The following CCDC192 variants were observed in gnomAD, a reference collection of about 807,000 sequenced individuals.
The protein encoded by CCDC192 is coiled-coil domain containing 192.
At chr5:127,861,269 A>G (rs1309159195) in intron 5 of CCDC192, among the ~76,000 whole-genome samples, 2 of 151,488 alleles carry the variant, frequency 1.3e-5, no homozygotes, top group Non-Finnish European at 2.9e-5. Flanking sequence ...CGGCCTCCCA[A>G]AGTGCTGGGA....
chr5:127,911,114 C>T (rs902386812), intron 6 of CCDC192, among the ~76,000 whole-genome samples: 2 of 152,206 alleles, frequency 1.3e-5, no homozygotes, highest in African/African-American at 4.8e-5. Context: ...TTATCAAATC[C>T]TGCAATGGAA....
chr5:127,730,441 G>T (rs1465645104), intron 2 of CCDC192, among the ~76,000 whole-genome samples: 1 of 151,944 alleles, frequency 6.6e-6, no homozygotes, highest in Non-Finnish European at 1.5e-5. Flanking sequence ...TCTACCAGAG[G>T]TACAAAAAGG....
intron 6 of CCDC192, among the ~76,000 whole-genome samples, chr5:127,896,232 A>C (rs976039976): frequency 3.9e-5 from 6 of 152,112 alleles, no homozygotes; most frequent in African/African-American, 7.2e-5. Flanking sequence ...TGAGGCCATG[A>C]GTTAGAGACC....
chr5:127,778,885 T>C (rs1756023919), intron 3 of CCDC192, among the ~76,000 whole-genome samples: 1 of 152,174 alleles, frequency 6.6e-6, no homozygotes, highest in Non-Finnish European at 1.5e-5. Context: ...TTCATCTAAA[T>C]TATCTAGTTT....
At chr5:127,835,447 T>C (rs1398327940) in intron 5 of CCDC192, among the ~76,000 whole-genome samples, 2 of 152,234 alleles carry the variant, frequency 1.3e-5, no homozygotes, top group Non-Finnish European at 2.9e-5. Flanking sequence ...GCATGCTGGA[T>C]GTCTCTTTTG....
At chr5:127,712,988 A>G (rs1751424729) in intron 2 of CCDC192, among the ~76,000 whole-genome samples, 1 of 152,154 alleles carries the variant, frequency 6.6e-6, no homozygotes, top group South Asian at 2.1e-4. Flanking sequence ...TAATCCCAGC[A>G]CTTTGGGAGG....
intron 5 of CCDC192, among the ~76,000 whole-genome samples, chr5:127,825,152 AG>A (rs1222710198): frequency 6.6e-6 from 1 of 152,244 alleles, no homozygotes; most frequent in Non-Finnish European, 1.5e-5. Context: ...CACTTAGAAA[AG>A]GTTTGAGAAT....
At chr5:127,884,358 AAAAAAAAAAAAG>A (rs1206246850) in intron 6 of CCDC192, among the ~76,000 whole-genome samples, 2 of 147,326 alleles carry the variant, frequency 1.4e-5, no homozygotes, top group Non-Finnish European at 3.0e-5. Flanking sequence ...AAAAAAAAAA[AAAAAAAAAAAAG>A]AAGAGGGAAG....
chr5:127,771,728 A>C (rs1188236101), intron 3 of CCDC192, among the ~76,000 whole-genome samples: 1 of 152,222 alleles, frequency 6.6e-6, no homozygotes, highest in Non-Finnish European at 1.5e-5. Flanking sequence ...CAAATAACAG[A>C]ATCCCAATTA....
chr5:127,850,739 G>C (rs56009373), intron 5 of CCDC192, among the ~76,000 whole-genome samples: 5 of 152,268 alleles, frequency 3.3e-5, no homozygotes, highest in African/African-American at 4.8e-5. Flanking sequence ...GCCGAGGCAG[G>C]CAAATCACCT....
At chr5:127,921,385 T>A (rs1753717257) in intron 6 of CCDC192, among the ~76,000 whole-genome samples, 1 of 152,178 alleles carries the variant, frequency 6.6e-6, no homozygotes, top group African/African-American at 2.4e-5. Flanking sequence ...AAGTCACTCA[T>A]AATCACCATC....
At chr5:127,899,062 C>G (rs1034148144) in intron 6 of CCDC192, among the ~76,000 whole-genome samples, 9 of 152,150 alleles carry the variant, frequency 5.9e-5, no homozygotes, top group African/African-American at 2.2e-4. Context: ...GAATGACTCA[C>G]AGACACATTT....
intron 3 of CCDC192, among the ~76,000 whole-genome samples, chr5:127,784,028 A>G (rs901478389): frequency 6.6e-6 from 1 of 152,068 alleles, no homozygotes; most frequent in Non-Finnish European, 1.5e-5. Context: ...GAGAGTCCTT[A>G]TGTGTTAGGA....
chr5:127,703,259 T>A (rs373270355), upstream of CCDC192: 3 of 386,976 alleles, frequency 7.8e-6, no homozygotes, highest in Middle Eastern at 6.4e-4. Context: ...TGAGATGTTT[T>A]GAGAGGTTAC....
At chr5:127,861,028 G>T (rs552231895) in intron 5 of CCDC192, among the ~76,000 whole-genome samples, 1 of 151,906 alleles carries the variant, frequency 6.6e-6, no homozygotes, top group South Asian at 2.1e-4. Context: ...TTTTTTTGTG[G>T]ACAGAGTTTT....
chr5:127,722,486 T>G (rs1226437720), intron 2 of CCDC192, among the ~76,000 whole-genome samples: 1 of 152,202 alleles, frequency 6.6e-6, no homozygotes, highest in Non-Finnish European at 1.5e-5. Flanking sequence ...TGTCAATTTT[T>G]GCTTTAGTTC....
At chr5:127,923,389 T>C (rs927777406) in intron 6 of CCDC192, among the ~76,000 whole-genome samples, 1 of 151,770 alleles carries the variant, frequency 6.6e-6, no homozygotes, top group African/African-American at 2.4e-5. Flanking sequence ...TTTTTTTTTT[T>C]TTTCTTGAGA....
chr5:127,749,316 G>T (rs1160138448), intron 2 of CCDC192, among the ~76,000 whole-genome samples: 1 of 152,150 alleles, frequency 6.6e-6, no homozygotes, highest in Non-Finnish European at 1.5e-5. Context: ...AGAGTTTTTA[G>T]CATGAAAGGT....
intron 3 of CCDC192, 90 bp downstream of exon 3, chr5:127,754,465 C>A: frequency 5.3e-6 from 2 of 378,386 alleles, no homozygotes; most frequent in Non-Finnish European, 9.2e-6. Context: ...ACCTCTCCCT[C>A]TACTGATACA....
Sources: allele counts gnomAD v4.1 joint callset (sites outside exome capture counted in the v4.1 genomes callset), GRCh38; gene constraint gnomAD v4.1.1; transcripts MANE v1.5; gene names NCBI Gene and HGNC (gene_info 2026-07-23, HGNC 2026-07-21).